Variants in LPIN3 observed in about 807,000 individuals in gnomAD.
The protein encoded by LPIN3 is lipin 3, also known as phosphatidate phosphatase LPIN3.
In LPIN3, 82 loss-of-function variants were observed where a neutral mutation model predicts 94.7. The observed-to-expected ratio is 0.87, with a 90% CI of 0.72 to 1.04. LPIN3 has a LOEUF of 1.04. Ranked by LOEUF, LPIN3 falls within the 50% of genes least tolerant of loss-of-function variation. The pLI, the probability that LPIN3 is intolerant of heterozygous loss-of-function variation, is 0.00. For missense variants in LPIN3, 996 were observed against 1,090.5 expected, an observed-to-expected ratio of 0.91 and a Z score of 1.22; for synonymous variants, 418 against 443.3, an observed-to-expected ratio of 0.94 and a Z score of 0.72.
intron 1 of LPIN3, among the ~76,000 whole-genome samples, chr20:41,345,445 G>T (rs941401762): frequency 3.3e-5 from 5 of 152,246 alleles, no homozygotes; most frequent in East Asian, 1.9e-4. Flanking sequence ...TTGTGAAGAT[G>T]AAATGAGCCG....
rs925863363 is a variant in LPIN3 at position 41,360,432 on chromosome 20, A to T, written c.*1566A>T. 7 of 152,630 alleles carry T rather than the reference A, an allele frequency of 4.6e-5. No individual in the cohort carries two copies. The highest frequency in any genetic ancestry group is 1.7e-4 in the African/African-American group (7 of 41,548). 9.5% of individuals were successfully genotyped at this position (152,630 alleles called of 1,614,324 possible). A position where few individuals can be genotyped will look rare whatever the true frequency, so the allele number is the denominator to read the frequency against. Reference sequence around the variant, plus strand: ...GTGTGGGCACCAGAGGGCCCTGGAAACATCTTAGGGGAAGGAAAGGAAAAG... The same window carrying T: ...GTGTGGGCACCAGAGGGCCCTGGAATCATCTTAGGGGAAGGAAAGGAAAAG... On this transcript the variant is annotated 3_prime_UTR_variant, in exon 20 of 20. Coordinates refer to ENST00000373257, the MANE Select transcript of LPIN3 (RefSeq NM_022896.3).
At chr20:41,355,057 C>G (rs975204068) in intron 13 of LPIN3, among the ~76,000 whole-genome samples, 194 bp downstream of exon 13, 1 of 152,024 alleles carries the variant, frequency 6.6e-6, no homozygotes, top group Non-Finnish European at 1.5e-5. Flanking sequence ...CTCTGTCACC[C>G]AGGCTGGAGT....
intron 1 of LPIN3, 95 bp from the exon 2 acceptor site, chr20:41,345,701 A>C: frequency 7.5e-7 from 1 of 1,330,598 alleles, no homozygotes; most frequent in Non-Finnish European, 1.0e-6. Flanking sequence ...CGTGACACAA[A>C]TGTAAACTTG....
Position 41,345,841 on chromosome 20 carries a change from G to A in LPIN3, c.38G>A (p.Gly13Glu). 6.2e-7 allele frequency: 1 copy of A among 1,614,100 alleles called. No individual in the cohort carries two copies. The highest frequency in any genetic ancestry group is 1.1e-5 in the South Asian group (1 of 91,074). ...GGGCAGCTGGCGGAGACGGTGTTTG[G>A]GACGGTGAAGGAGCTGTACCGGGGC... is the stretch of plus-strand genomic sequence containing the variant. ...YVGQLAETVF[G>E]TVKELYRGLN... is the part of the protein sequence containing the mutation. Residue 13 changes from glycine to glutamate, a missense_variant, in exon 2 of 20, where the codon GGG becomes GAG. Gly to Glu is a moderately conservative substitution (Grantham distance 98). Transcript: ENST00000373257.
In LPIN3 at chr20:41,357,365, G is replaced by GT. The variant is rs761178088; in HGVS notation, c.1957_1958insT (p.Asp653ValfsTer60). On this transcript the variant is annotated frameshift_variant, in exon 16 of 20. Coordinates refer to ENST00000373257, the MANE Select transcript of LPIN3 (RefSeq NM_022896.3). LOFTEE classifies it high-confidence loss of function. ...ACCCTTCCTCTCTCACTCTAGGTCAGATGCTCTGGGCCATATCCTGCCCCA... is the reference window on the plus strand; with the variant it reads ...ACCCTTCCTCTCTCACTCTAGGTCAGTATGCTCTGGGCCATATCCTGCCCCA... The GT allele has an allele frequency of 8.1e-6, 13 of 1,613,980 alleles. No individual in the cohort carries two copies. In the South Asian group the frequency reaches 1.4e-4, roughly 18 times the overall value.
At chr20:41,344,045 G>A (rs1358732209) in intron 1 of LPIN3, among the ~76,000 whole-genome samples, 1 of 151,754 alleles carries the variant, frequency 6.6e-6, no homozygotes, top group East Asian at 1.9e-4. Context: ...CTGGGTAACA[G>A]AGTGAGATCC....
chr20:41,346,562 G>A (rs940420406), intron 2 of LPIN3, among the ~76,000 whole-genome samples: 14 of 152,186 alleles, frequency 9.2e-5, no homozygotes, highest in Non-Finnish European at 1.9e-4. Flanking sequence ...CCCACATGGT[G>A]AAACCCAGTC....
chr20:41,354,500 C>A (rs1194933728), intron 11 of LPIN3, 145 bp from the exon 12 acceptor site: 4 of 641,138 alleles, frequency 6.2e-6, no homozygotes, highest in Admixed American at 6.6e-5. Context: ...GGTGAGCACA[C>A]TTCCTTGGCC....
Position 41,355,938 on chromosome 20 carries a change from C to A in LPIN3, c.1707C>A (p.Asp569Glu). 1.2e-6 allele frequency: 2 copies of A among 1,614,150 alleles called. No homozygotes were observed. The highest frequency in any genetic ancestry group is 1.7e-6 in the Non-Finnish European group (2 of 1,180,006). The change falls in exon 14 of 20, where the codon GAC becomes GAA. Residue 569 changes from aspartate (D) to glutamate (E), a missense_variant. Physicochemically the swap from Asp to Glu is conservative, Grantham distance 45. Transcript: ENST00000373257. ...EVLSSDDDAP[D>E]SPVILEIPSL... is the part of the protein sequence containing the mutation. ...TGAGCAGTGATGACGATGCCCCAGA[C>A]AGCCCTGTGATCCTGGAGATCCCCT...
At position 41,350,190 on chromosome 20, in the gene LPIN3, C is replaced by T; in HGVS notation, c.895C>T (p.Gln299Ter). 6.2e-7 allele frequency: 1 copy of T among 1,613,574 alleles called. No homozygotes were observed. The highest frequency in any genetic ancestry group is 8.5e-7 in the Non-Finnish European group (1 of 1,180,018). Residue 299 changes from glutamine (Q) to a stop codon, truncating the protein, a stop_gained, in exon 7 of 20, where the codon CAG becomes TAG. Coordinates refer to ENST00000373257, the MANE Select transcript of LPIN3 (RefSeq NM_022896.3). LOFTEE classifies it high-confidence loss of function. ...CGTGGACCCTTTGGGACTCCCAATC[C>T]AGCAAACAGAGGCTGGTGCCGACCT... ...GGVDPLGLPI[Q>*]QTEAGADLQP...
At chr20:41,354,619 C>T (rs1431684808) in intron 11 of LPIN3, 26 bp from the exon 12 acceptor site, 13 of 1,543,616 alleles carry the variant, frequency 8.4e-6, no homozygotes, top group Non-Finnish European at 1.1e-5. Context: ...GCAGGAAACA[C>T]TGCCATGGCT....
chr20:41,352,498 A>G (rs1296667043), intron 9 of LPIN3, 108 bp from the exon 10 acceptor site: 2 of 1,039,864 alleles, frequency 1.9e-6, no homozygotes, highest in Non-Finnish European at 2.9e-6. Flanking sequence ...CCAGGTTACA[A>G]AGCCAACCGA....
At chr20:41,349,268 T>A in intron 5 of LPIN3, 96 bp downstream of exon 5, 1 of 1,048,004 alleles carries the variant, frequency 9.5e-7, no homozygotes, top group Non-Finnish European at 1.4e-6. Flanking sequence ...AGGACCCATT[T>A]AATGTGTTTA....
chr20:41,348,958 T>A, intron 4 of LPIN3, 71 bp downstream of exon 4: 1 of 1,582,822 alleles, frequency 6.3e-7, no homozygotes, highest in Non-Finnish European at 8.6e-7. Context: ...TCATGCTGTG[T>A]GACTTTGGGC....
intron 3 of LPIN3, 138 bp downstream of exon 3, chr20:41,347,785 A>G: frequency 2.8e-6 from 2 of 718,876 alleles, no homozygotes; most frequent in South Asian, 3.8e-5. Context: ...CAGGGGTATC[A>G]GTTGGGGCTG....
Position 41,352,170 on chromosome 20 carries a change from T to C in LPIN3, c.1313T>C (p.Ile438Thr), listed in dbSNP as rs747572020. The C allele has an allele frequency of 1.9e-6, 3 of 1,614,076 alleles. No homozygotes were observed. The highest frequency in any genetic ancestry group is 8.5e-7 in the Non-Finnish European group (1 of 1,180,030). The change falls in exon 9 of 20, where the codon ATA becomes ACA. Residue 438 changes from isoleucine (I) to threonine (T), a missense_variant. Transcript: ENST00000373257. ...PEPTLDTVDT[I>T]ALSLCGGLAD... ...CCCACTCTGGACACAGTGGATACAA[T>C]AGCACTGTCCCTCTGTGGTGGACTG...
intron 10 of LPIN3, 21 bp from the exon 11 acceptor site, chr20:41,352,777 T>C: frequency 1.2e-6 from 2 of 1,614,062 alleles, no homozygotes; most frequent in Middle Eastern, 1.7e-4. Context: ...TGCAGCTTGA[T>C]GCCCTGTTCT....
chr20:41,358,258 A>C lies in LPIN3; in HGVS notation c.2214A>C (p.Pro738=). ...ALHREVIEKK[P]EVFKVACLSD... is the part of the protein sequence containing the mutation. ...CCAGAGAGGTGATCGAGAAGAAACC[A>C]GAGGTGTTCAAGGTCGCCTGCCTGA... The change falls in exon 18 of 20, where the codon CCA becomes CCC. Residue 738 remains proline (P), a synonymous_variant. Coordinates refer to ENST00000373257, the MANE Select transcript of LPIN3 (RefSeq NM_022896.3). 6.2e-7 allele frequency: 1 copy of C among 1,614,020 alleles called. No homozygotes were observed.
At position 41,352,803 on chromosome 20, in the gene LPIN3, A is replaced by G. The variant is rs1197118083; in HGVS notation, c.1463A>G (p.Tyr488Cys). 3.1e-6 allele frequency: 5 copies of G among 1,614,096 alleles called. No homozygotes were observed. Among genetic ancestry groups the G allele is most frequent in the Non-Finnish European group, 3.4e-6 (4 of 1,180,042 alleles). The change falls in exon 11 of 20, where the codon TAT becomes TGT. Residue 488 changes from tyrosine (Y) to cysteine (C), a missense_variant. Tyr to Cys is a radical substitution (Grantham distance 194). Coordinates refer to ENST00000373257, the MANE Select transcript of LPIN3 (RefSeq NM_022896.3). ...GCCCTGTTCTGTCTCTCTAGGCATT[A>G]TAACTGGGCTGTGGCTGCCCCCATG... is the stretch of plus-strand genomic sequence containing the variant. ...NLVVKINGKH[Y>C]NWAVAAPMIL...
Sources: allele counts gnomAD v4.1 joint callset (sites outside exome capture counted in the v4.1 genomes callset), GRCh38; gene constraint gnomAD v4.1.1; transcripts MANE v1.5; gene names NCBI Gene and HGNC (gene_info 2026-07-23, HGNC 2026-07-21).